GIPC1: variants seen among roughly 807,000 people sequenced by gnomAD.
GIPC1 encodes the protein GIPC PDZ domain containing family member 1, also known as PDZ domain-containing protein GIPC1.
A neutral mutation model predicts 28.5 loss-of-function variants in GIPC1; 15 were observed. That is an observed-to-expected ratio of 0.53 (90% CI 0.35 to 0.81). The LOEUF (loss-of-function observed/expected upper bound fraction) is 0.81, where lower values mean the gene tolerates loss of function less well. Ranked by LOEUF, GIPC1 falls within the 30% of genes least tolerant of loss-of-function variation. The pLI is 0.01. For missense variants in GIPC1, 439 were observed against 481.9 expected (o/e 0.91, Z 0.83); for synonymous variants, 224 against 206.1 (o/e 1.09, Z -0.74).
rs1229859107 is a variant in GIPC1 at position 14,489,676 on chromosome 19, T to C, written c.-31+1980A>G. ...TCTCTCCATAGGGCCTGTTTTACTA[T>C]GATGTAAAAATTAGGTCATGTACAT... On this transcript the variant is annotated intron_variant, in intron 3 of 8. Coordinates refer to ENST00000393033, the MANE Select transcript of GIPC1 (RefSeq NM_005716.4). 7.5e-6 allele frequency: 6 copies of C among 804,078 alleles called. No individual in the cohort carries two copies. The East Asian group carries it at 9.7e-5, about 13-fold the overall frequency. 49.8% of individuals were successfully genotyped at this position (804,078 alleles called of 1,614,324 possible).
At chr19:14,479,775 C>T (rs1014955491) in intron 6 of GIPC1, 8 of 421,056 alleles carry the variant, frequency 1.9e-5, no homozygotes, top group African/African-American at 1.7e-4. Flanking sequence ...ACTGGAGGGG[C>T]CACTTCTGCT....
intron 3 of GIPC1, among the ~76,000 whole-genome samples, chr19:14,490,501 A>G (rs1054895885): frequency 4.0e-5 from 6 of 150,468 alleles, no homozygotes; most frequent in African/African-American, 1.5e-4. Flanking sequence ...AACATGGAGA[A>G]ACCCCATCTC....
chr19:14,494,247 G>A (rs1043379479), intron 1 of GIPC1, among the ~76,000 whole-genome samples: 5 of 151,174 alleles, frequency 3.3e-5, no homozygotes, highest in African/African-American at 4.9e-5. Context: ...GGTGAGCCAT[G>A]CCCCTAGCCA....
At chr19:14,485,635 G>A (rs1419844608) in intron 3 of GIPC1, among the ~76,000 whole-genome samples, 1 of 148,950 alleles carries the variant, frequency 6.7e-6, no homozygotes, top group Non-Finnish European at 1.5e-5. Context: ...CAGCCTGGGT[G>A]ACAGAGATAG....
chr19:14,478,276 T>C lies in GIPC1; in HGVS notation c.*140A>G, dbSNP rs561789495. 1.8e-4 allele frequency: 150 copies of C among 852,818 alleles called. No homozygotes were observed. In the African/African-American group the frequency reaches 2.4e-3, roughly 13 times the overall value. The allele number at this position is 852,818 out of a possible 1,614,324, so 52.8% of individuals were successfully genotyped here. A position where few individuals can be genotyped will look rare whatever the true frequency, so the allele number is the denominator to read the frequency against. On this transcript the variant is annotated 3_prime_UTR_variant, in exon 9 of 9. Coordinates refer to ENST00000393033, the MANE Select transcript of GIPC1 (RefSeq NM_005716.4). This position sits in a 1 kb window ranked among gnomAD's most constrained non-coding sequence, Gnocchi z 5.2. ...ACCGATTGGAGCGGGGCAGGGGGCC[T>C]GGCCCCACCTCCCCTCACCATCGTC...
intron 4 of GIPC1, chr19:14,481,659 T>G (rs1301058445): frequency 7.2e-6 from 1 of 138,284 alleles, no homozygotes; most frequent in African/African-American, 2.8e-5. Flanking sequence ...AGGTGGAGGT[T>G]GCAGAGAGCC....
intron 3 of GIPC1, among the ~76,000 whole-genome samples, chr19:14,487,143 C>G (rs749317695): frequency 6.6e-6 from 1 of 151,908 alleles, no homozygotes; most frequent in East Asian, 1.9e-4. Context: ...GACTGAAATT[C>G]GGTCTGTGCA....
chr19:14,484,665 G>A (rs1203610740), intron 3 of GIPC1, among the ~76,000 whole-genome samples: 2 of 152,048 alleles, frequency 1.3e-5, no homozygotes, highest in Non-Finnish European at 2.9e-5. Context: ...AGAATTGCCT[G>A]AAACCTGGGA....
At chr19:14,490,572 G>A (rs560710864) in intron 3 of GIPC1, among the ~76,000 whole-genome samples, 135 of 151,968 alleles carry the variant, frequency 8.9e-4, no homozygotes, top group Non-Finnish European at 1.5e-3. Context: ...AGCTACTAGG[G>A]AGGCTGAGGC....
intron 3 of GIPC1, among the ~76,000 whole-genome samples, chr19:14,488,797 A>AG: frequency 6.8e-6 from 1 of 147,738 alleles, no homozygotes; most frequent in Admixed American, 6.8e-5. Flanking sequence ...AAAGAAAGAA[A>AG]AGCCAAGCCC....
At chr19:14,492,481 T>C (rs973136860) in intron 2 of GIPC1, among the ~76,000 whole-genome samples, 6 of 152,084 alleles carry the variant, frequency 3.9e-5, no homozygotes, top group Admixed American at 6.5e-5. Context: ...TAATTGTTTG[T>C]ATTTTTAGTA....
At chr19:14,495,017 G>A (rs2072046763) in intron 1 of GIPC1, among the ~76,000 whole-genome samples, 1 of 152,168 alleles carries the variant, frequency 6.6e-6, no homozygotes, top group Non-Finnish European at 1.5e-5. Flanking sequence ...TTCCAGCACA[G>A]TGTTGCTTTG....
rs564663928 is a variant in GIPC1 at position 14,480,544 on chromosome 19, G to A, written c.474+49C>T. 211 of 1,605,528 alleles carry A rather than the reference G, an allele frequency of 1.3e-4. 4 individuals carry two copies. The South Asian group carries it at 2.2e-3, about 17-fold the overall frequency. ...TCTGCCCTGGTTTCCGGGGTCCCAT[G>A]GCCCACCCTCACTCCCAGGCCTCCG... On this transcript the variant is annotated intron_variant, in intron 5 of 8. Transcript: ENST00000393033.
Position 14,478,223 on chromosome 19 carries a change from C to A in GIPC1, c.*193G>T. The A allele has an allele frequency of 1.8e-6, 1 of 569,968 alleles. No homozygotes were observed. Among genetic ancestry groups the A allele is most frequent in the Non-Finnish European group, 3.0e-6 (1 of 332,580 alleles). The allele number at this position is 569,968 out of a possible 1,614,324, so 35.3% of individuals were successfully genotyped here. ...GGCACAGGGGGGCCGGGGACCCCGG[C>A]CAGACTGGGAACCAGGGAGGGGATG... On this transcript the variant is annotated 3_prime_UTR_variant, in exon 9 of 9. Coordinates refer to ENST00000393033, the MANE Select transcript of GIPC1 (RefSeq NM_005716.4). This position sits in a 1 kb window ranked among gnomAD's most constrained non-coding sequence, Gnocchi z 5.2.
rs576917544 is a variant in GIPC1 at position 14,492,862 on chromosome 19, G to T, written c.-124C>A. The T allele has an allele frequency of 6.6e-6, 1 of 152,508 alleles. No individual in the cohort carries two copies. Among genetic ancestry groups the T allele is most frequent in the Non-Finnish European group, 1.5e-5 (1 of 68,064 alleles). The allele number at this position is 152,508 out of a possible 1,614,324, so 9.4% of individuals were successfully genotyped here. A position where few individuals can be genotyped will look rare whatever the true frequency, so the allele number is the denominator to read the frequency against. ...ATCCCACCCCTGCCACTTACCAGCT[G>T]TGTGGCTGGGGGGCAAGTCACTTCA... On this transcript the variant is annotated 5_prime_UTR_variant, in exon 2 of 9. Coordinates refer to ENST00000393033, the MANE Select transcript of GIPC1 (RefSeq NM_005716.4).
At chr19:14,480,950 C>T in intron 4 of GIPC1, 172 bp from the exon 5 acceptor site, 1 of 597,218 alleles carries the variant, frequency 1.7e-6, no homozygotes. Context: ...AGCGTGTCAG[C>T]TCTGCTAGGA....
rs373291035 is a variant in GIPC1 at position 14,480,952 on chromosome 19, C to A, written c.289-174G>T. On this transcript the variant is annotated intron_variant, in intron 4 of 8. Coordinates refer to ENST00000393033, the MANE Select transcript of GIPC1 (RefSeq NM_005716.4). ...CAGGGCCCACATTAGCGTGTCAGCT[C>A]TGCTAGGACTAGGATTTAGTTTTCC... 5.2e-3 allele frequency: 3,090 copies of A among 592,716 alleles called. 98 individuals are homozygous for A. The South Asian group carries it at 0.061, about 12-fold the overall frequency. The allele number at this position is 592,716 out of a possible 1,614,324, so 36.7% of individuals were successfully genotyped here.
intron 3 of GIPC1, among the ~76,000 whole-genome samples, chr19:14,487,213 T>G (rs948539368): frequency 1.7e-4 from 25 of 151,198 alleles, no homozygotes; most frequent in African/African-American, 5.6e-4. Flanking sequence ...ATGCCTTTCT[T>G]TTTTTCTTTT....
rs1454872189 is a variant in GIPC1, at chr19:14,480,605, G to A, written c.462C>T (p.Tyr154=). 6.8e-6 allele frequency: 11 copies of A among 1,614,050 alleles called. No individual in the cohort carries two copies. Among genetic ancestry groups the A allele is most frequent in the Admixed American group, 5.0e-5 (3 of 60,024 alleles). The part of the protein sequence containing the change: ...GLTITDNGAG[Y]AFIKRIKEGS... ...TCTCCCCAGGCACCTTGATGAAGGCGTAGCCAGCCCCGTTGTCCGTGATGG... is the reference window on the plus strand; with the variant it reads ...TCTCCCCAGGCACCTTGATGAAGGCATAGCCAGCCCCGTTGTCCGTGATGG... The change falls in exon 5 of 9, where the codon TAC becomes TAT. Residue 154 remains tyrosine, a synonymous_variant. Transcript: ENST00000393033.
Sources: allele counts gnomAD v4.1 joint callset (sites outside exome capture counted in the v4.1 genomes callset), GRCh38; gene constraint gnomAD v4.1.1; non-coding constraint Gnocchi (gnomAD v3.1); transcripts MANE v1.5; gene names NCBI Gene and HGNC (gene_info 2026-07-23, HGNC 2026-07-21).